NECAB2: variants seen among roughly 807,000 people sequenced by gnomAD.
NECAB2 encodes the protein N-terminal EF-hand calcium-binding protein 2.
A neutral mutation model predicts 51.9 loss-of-function variants in NECAB2; 68 were observed. The ratio of observed to expected loss-of-function variants is 1.31; its 90% CI spans 1.08 to 1.60. NECAB2 has a LOEUF of 1.60. Among genes scored for constraint, NECAB2 ranks in the 40% most tolerant of loss-of-function variants. The pLI is 0.00. For synonymous variants in NECAB2, 329 were observed against 203.5 expected (o/e 1.62, Z -5.25); for missense variants, 854 against 490.3 (o/e 1.74, Z -7.00).
intron 2 of NECAB2, among the ~76,000 whole-genome samples, chr16:83,973,498 G>A (rs569834710): frequency 1.4e-4 from 21 of 152,192 alleles, no homozygotes; most frequent in Non-Finnish European, 2.4e-4. Context: ...GATTCCATAC[G>A]GAGCAGAGGA....
At chr16:83,976,862 C>A (rs1366649699) in intron 2 of NECAB2, among the ~76,000 whole-genome samples, 2 of 152,220 alleles carry the variant, frequency 1.3e-5, no homozygotes, top group South Asian at 4.1e-4. Context: ...TATGCTCTCA[C>A]CCTGTGTTGA....
At chr16:84,002,267 A>C (rs1487711139) in intron 12 of NECAB2, 51 bp from the exon 13 acceptor site, 1 of 1,601,008 alleles carries the variant, frequency 6.2e-7, no homozygotes, top group Admixed American at 1.7e-5. Context: ...ACCAGCTACG[A>C]GGCTGCCCAC....
In NECAB2 at chr16:83,968,518, T is replaced by A. The variant is rs1178322648; in HGVS notation, c.-131T>A. 1.1e-5 allele frequency: 8 copies of A among 746,194 alleles called. No homozygotes were observed. Among genetic ancestry groups the A allele is most frequent in the Non-Finnish European group, 1.3e-5 (8 of 616,002 alleles). The allele number at this position is 746,194 out of a possible 1,614,324, so 46.2% of individuals were successfully genotyped here. A position where few individuals can be genotyped will look rare whatever the true frequency, so the allele number is the denominator to read the frequency against. ...CCGGCGCCGGCCAGTCCCCGCGGTG[T>A]CCGCGGCCGCGGGGGCAGCGGGAGA... On this transcript the variant is annotated 5_prime_UTR_variant, in exon 1 of 13. Coordinates refer to ENST00000305202, the MANE Select transcript of NECAB2 (RefSeq NM_019065.3).
At chr16:83,979,469 A>G (rs908117152) in intron 3 of NECAB2, among the ~76,000 whole-genome samples, 8 of 152,112 alleles carry the variant, frequency 5.3e-5, no homozygotes, top group African/African-American at 1.9e-4. Flanking sequence ...GGACCGGGAT[A>G]TGGTAAGTGG....
At chr16:83,991,358 C>A (rs1229455352) in intron 6 of NECAB2, among the ~76,000 whole-genome samples, 1 of 133,548 alleles carries the variant, frequency 7.5e-6, no homozygotes, top group Non-Finnish European at 1.5e-5. Flanking sequence ...ATTTCCTTTT[C>A]TTTTCTTTTC....
chr16:83,971,957 C>T (rs1044355586), intron 1 of NECAB2, 194 bp from the exon 2 acceptor site: 6 of 689,494 alleles, frequency 8.7e-6, no homozygotes, highest in African/African-American at 5.4e-5. Context: ...GAGGGGAGGG[C>T]CTCTGTCTGC....
rs188804437 is a variant in NECAB2, at chr16:83,990,060, C to A, written c.460-434C>A. ...TGGATTCTTCTTGCCTGATCATTAT[C>A]CTTGTCACAGCAACAACAAAACTAC... On this transcript the variant is annotated intron_variant, in intron 5 of 12. Coordinates refer to ENST00000305202, the MANE Select transcript of NECAB2 (RefSeq NM_019065.3). 1.2e-3 allele frequency among the ~76,000 whole-genome samples: 178 copies of A among 152,310 alleles called. 3 individuals carry two copies. Among genetic ancestry groups the A allele is most frequent in the Non-Finnish European group, 6.2e-4 (42 of 68,032 alleles).
chr16:83,978,914 C>T (rs538978893), intron 3 of NECAB2, among the ~76,000 whole-genome samples: 1 of 152,232 alleles, frequency 6.6e-6, no homozygotes, highest in South Asian at 2.1e-4. Context: ...GTGTGTCCTC[C>T]CAGTCCCAAC....
intron 5 of NECAB2, among the ~76,000 whole-genome samples, chr16:83,986,679 A>ATTTTTTT: frequency 7.4e-6 from 1 of 135,108 alleles, no homozygotes; most frequent in South Asian, 2.4e-4. Flanking sequence ...CTCACGGCAA[A>ATTTTTTT]TTTTTTTTTT....
At position 83,978,478 on chromosome 16, in the gene NECAB2, C is replaced by G. The variant is rs1169959000; in HGVS notation, c.261C>G (p.Leu87=). The part of the protein sequence containing the change: ...DGKLSLEEFQ[L]FFADGVLNEK... ...AGCTGTCCTTGGAGGAATTCCAGCTCTTCTTTGCAGATGGCGTCCTTAATG... is the reference window on the plus strand; with the variant it reads ...AGCTGTCCTTGGAGGAATTCCAGCTGTTCTTTGCAGATGGCGTCCTTAATG... The change falls in exon 3 of 13, where the codon CTC becomes CTG. Residue 87 remains leucine, a synonymous_variant. Transcript: ENST00000305202. The G allele has an allele frequency of 3.7e-6, 6 of 1,613,934 alleles. No individual in the cohort carries two copies. Among genetic ancestry groups the G allele is most frequent in the Non-Finnish European group, 5.1e-6 (6 of 1,180,018 alleles).
chr16:84,002,312 T>C lies in NECAB2; in HGVS notation c.1133-6T>C, dbSNP rs757770684. 16 of 1,613,726 alleles carry C rather than the reference T, an allele frequency of 9.9e-6. No homozygotes were observed. Among genetic ancestry groups the C allele is most frequent in the Non-Finnish European group, 1.2e-5 (14 of 1,179,860 alleles). ...CCTTCCCTCTAACGTGTCTCTCTCC[T>C]TTTAGCTGCTTGGTGCACGGTGGGA... On this transcript the variant is annotated splice_region_variant and splice_polypyrimidine_tract_variant and intron_variant, in intron 12 of 12. Transcript: ENST00000305202.
intron 5 of NECAB2, among the ~76,000 whole-genome samples, chr16:83,989,848 G>A (rs1041484277): frequency 2.0e-5 from 3 of 152,080 alleles, no homozygotes; most frequent in Admixed American, 6.6e-5. Flanking sequence ...CCAGAGTTCC[G>A]CTAAGACTCC....
At chr16:83,990,446 T>C in intron 5 of NECAB2, 48 bp from the exon 6 acceptor site, 3 of 1,602,806 alleles carry the variant, frequency 1.9e-6, no homozygotes, top group Non-Finnish European at 2.6e-6. Context: ...CACCTCCAAT[T>C]TCCCTCCCAC....
intron 4 of NECAB2, 44 bp from the exon 5 acceptor site, chr16:83,980,986 G>A (rs775050552): frequency 2.7e-5 from 43 of 1,606,260 alleles, no homozygotes; most frequent in Non-Finnish European, 3.6e-5. Context: ...CTGAGTGGGA[G>A]GGGCAGGACC....
chr16:83,998,199 C>T lies in NECAB2; in HGVS notation c.850-6C>T, dbSNP rs149485551. 5,359 of 1,606,962 alleles carry T rather than the reference C, an allele frequency of 3.3e-3. 15 individuals carry two copies. Among genetic ancestry groups the T allele is most frequent in the Middle Eastern group, 6.8e-3 (41 of 6,060 alleles). ...GCCCCACACTGACTCCTGCTGTGCC[C>T]GGCAGCACCTGCAGCTGGTCCGGCA... is the stretch of plus-strand genomic sequence containing the variant. On this transcript the variant is annotated splice_region_variant and splice_polypyrimidine_tract_variant and intron_variant, in intron 9 of 12. Coordinates refer to ENST00000305202, the MANE Select transcript of NECAB2 (RefSeq NM_019065.3).
chr16:84,001,999 G>C (rs1016427218), intron 12 of NECAB2, 83 bp downstream of exon 12: 35 of 1,450,566 alleles, frequency 2.4e-5, no homozygotes, highest in Non-Finnish European at 2.9e-5. Flanking sequence ...ATATCTCCCG[G>C]GGACTTGCCT....
At chr16:83,983,100 T>G (rs8053684) in intron 5 of NECAB2, among the ~76,000 whole-genome samples, 1 of 151,612 alleles carries the variant, frequency 6.6e-6, no homozygotes, top group African/African-American at 2.4e-5. Flanking sequence ...AAGTCCTGAC[T>G]TGAGGTGATC....
intron 5 of NECAB2, among the ~76,000 whole-genome samples, chr16:83,987,796 A>G (rs1429799034): frequency 1.3e-5 from 2 of 152,190 alleles, no homozygotes; most frequent in African/African-American, 4.8e-5. Flanking sequence ...CTTGAGGATA[A>G]TTTATCAGAG....
intron 5 of NECAB2, among the ~76,000 whole-genome samples, chr16:83,986,771 C>A (rs2084562663): frequency 6.6e-6 from 1 of 151,710 alleles, no homozygotes; most frequent in Admixed American, 6.6e-5. Flanking sequence ...CATCTCCCCA[C>A]CTTGGCTTGT....
Sources: gnomAD v4.1 joint callset for allele counts (sites outside exome capture counted in the v4.1 genomes callset) on GRCh38, gnomAD v4.1.1 for gene constraint, MANE v1.5 for transcripts, NCBI Gene and HGNC (gene_info 2026-07-23, HGNC 2026-07-21) for gene names.